UBAP2: variants seen among roughly 807,000 people sequenced by gnomAD.
The protein encoded by UBAP2 is ubiquitin-associated protein 2.
UBAP2 carries 75 observed loss-of-function variants against 139.6 expected under a neutral mutation model. That is an observed-to-expected ratio of 0.54 (90% CI 0.45 to 0.65). The LOEUF is 0.65. UBAP2 is among the 30% of genes least tolerant of loss of function. UBAP2 has a pLI of 0.00. For synonymous variants in UBAP2, 526 were observed against 526.2 expected (o/e 1.00, Z 0.01); for missense variants, 1,368 against 1,369.6 (o/e 1.00, Z 0.02).
intron 8 of UBAP2, chr9:33,968,480 C>G: frequency 1.8e-6 from 1 of 544,892 alleles, no homozygotes; most frequent in Non-Finnish European, 3.7e-6. Flanking sequence ...CAGGTTGGGA[C>G]ATTTGAGCAC....
intron 2 of UBAP2, 86 bp downstream of exon 2, chr9:34,016,964 C>T: frequency 2.3e-6 from 2 of 880,002 alleles, no homozygotes; most frequent in Non-Finnish European, 3.4e-6. Flanking sequence ...ACAAGGCAAA[C>T]AAGAGTTCCA....
At chr9:34,036,345 G>A (rs577449384) in intron 1 of UBAP2, among the ~76,000 whole-genome samples, 2 of 152,136 alleles carry the variant, frequency 1.3e-5, no homozygotes, top group East Asian at 1.9e-4. Flanking sequence ...TCAAACTCCC[G>A]ACCTCAGGTG....
chr9:33,933,003 T>A (rs1232009354), intron 18 of UBAP2, among the ~76,000 whole-genome samples: 1 of 152,202 alleles, frequency 6.6e-6, no homozygotes, highest in Non-Finnish European at 1.5e-5. Flanking sequence ...AAATCCACTT[T>A]TGCTCCTAGC....
chr9:33,974,305 C>A (rs1828132644), intron 6 of UBAP2, among the ~76,000 whole-genome samples: 1 of 151,920 alleles, frequency 6.6e-6, no homozygotes. Context: ...CTCAGGAGTT[C>A]AAGACCAGCT....
Position 33,923,188 on chromosome 9 carries a change from T to G in UBAP2, c.3002A>C (p.Lys1001Thr). The change falls in exon 26 of 29, where the codon AAA (lysine) becomes ACA (threonine). Residue 1001 changes from lysine to threonine, a missense_variant and splice_region_variant. Physicochemically the swap from Lys to Thr is moderately conservative, Grantham distance 78. Coordinates refer to ENST00000379238, the MANE Select transcript of UBAP2 (RefSeq NM_001370062.2). ...TGGAAAGGAGAGGTAAACACTACCTTTGCCAGGCCCAGAACCTGCAGACTT... is the reference window on the plus strand; with the variant it reads ...TGGAAAGGAGAGGTAAACACTACCTGTGCCAGGCCCAGAACCTGCAGACTT... Reference protein sequence around the residue: ...PNKSAGSGPGKGVSVSSSTTG... With the variant: ...PNKSAGSGPGTGVSVSSSTTG... 1 of 1,614,162 alleles carries G rather than the reference T, an allele frequency of 6.2e-7. No homozygotes were observed.
At chr9:33,948,316 T>C (rs1359046866) in intron 13 of UBAP2, 58 bp downstream of exon 13, 1 of 1,449,936 alleles carries the variant, frequency 6.9e-7, no homozygotes, top group African/African-American at 1.4e-5. Flanking sequence ...GTCAACACAC[T>C]CTGCCAAAGC....
intron 5 of UBAP2, among the ~76,000 whole-genome samples, chr9:33,987,065 G>C (rs1302695140): frequency 6.6e-6 from 1 of 151,958 alleles, no homozygotes; most frequent in Non-Finnish European, 1.5e-5. Flanking sequence ...GCTGAGGGGG[G>C]CAGATCTCTT....
intron 1 of UBAP2, among the ~76,000 whole-genome samples, chr9:34,042,561 AG>A (rs1256462358): frequency 2.6e-5 from 4 of 151,284 alleles, no homozygotes; most frequent in African/African-American, 9.7e-5. Context: ...GCCAAGCAGG[AG>A]GATCACTTGA....
At chr9:33,955,960 T>C (rs1476253948) in intron 11 of UBAP2, 119 bp downstream of exon 11, 1 of 707,678 alleles carries the variant, frequency 1.4e-6, no homozygotes, top group African/African-American at 1.8e-5. Context: ...AAATAAAAGT[T>C]AGCCTTGGAT....
chr9:34,021,845 G>A (rs1403359986), intron 1 of UBAP2, among the ~76,000 whole-genome samples: 2 of 152,222 alleles, frequency 1.3e-5, no homozygotes, highest in African/African-American at 4.8e-5. Flanking sequence ...TGTTGGTCAG[G>A]CTGGTTTCGA....
At chr9:33,975,274 A>G (rs1828224533) in intron 6 of UBAP2, among the ~76,000 whole-genome samples, 1 of 151,220 alleles carries the variant, frequency 6.6e-6, no homozygotes, top group African/African-American at 2.4e-5. Flanking sequence ...TATTAAAAAA[A>G]TGCAAAAATT....
At position 33,953,374 on chromosome 9, in the gene UBAP2, G is replaced by A. The variant is rs753036146; in HGVS notation, c.967C>T (p.Leu323Phe). 3.7e-6 allele frequency: 6 copies of A among 1,614,038 alleles called. No individual in the cohort carries two copies. In the African/African-American group the frequency reaches 6.7e-5, roughly 18 times the overall value. Reference sequence around the variant, plus strand: ...TTGTGTTGCGAATTTGTGAAGACAAGGGCTTGGCCAAAGCCCTGCTGTTGG... The same window carrying A: ...TTGTGTTGCGAATTTGTGAAGACAAAGGCTTGGCCAAAGCCCTGCTGTTGG... ...TSQQQGFGQA[L>F]VFTNSQHNNQ... is the part of the protein sequence containing the mutation. The change falls in exon 12 of 29, where the codon CTT becomes TTT. Residue 323 changes from leucine (L) to phenylalanine (F), a missense_variant. Coordinates refer to ENST00000379238, the MANE Select transcript of UBAP2 (RefSeq NM_001370062.2).
chr9:34,023,354 A>T (rs1825128512), intron 1 of UBAP2, among the ~76,000 whole-genome samples: 1 of 152,238 alleles, frequency 6.6e-6, no homozygotes. Flanking sequence ...AATGTACATT[A>T]ATTTTTTGAT....
In UBAP2 at chr9:34,016,370, C is replaced by CGGCGGTGGTGGT. The variant is rs1321174650; in HGVS notation, c.99+679_99+680insACCACCACCGCC. ...GAGGAGGCAGCAGCGGCGGCAGCGGCGGTGGTGGTGGTGGTGGTGGTGGTG... is the reference window on the plus strand; with the variant it reads ...GAGGAGGCAGCAGCGGCGGCAGCGGCGGCGGTGGTGGTGGTGGTGGTGGTGGTGGTGGTGGTG... On this transcript the variant is annotated intron_variant, in intron 2 of 28. Transcript: ENST00000379238. 3.3e-3 allele frequency among the ~76,000 whole-genome samples: 314 copies of CGGCGGTGGTGGT among 93,732 alleles called. 8 individuals are homozygous for CGGCGGTGGTGGT. Among genetic ancestry groups the CGGCGGTGGTGGT allele is most frequent in the African/African-American group, 0.014 (289 of 20,544 alleles). The allele number at this position is 93,732 out of a possible 152,430, so 61.5% of individuals were successfully genotyped here. A position where few individuals can be genotyped will look rare whatever the true frequency, so the allele number is the denominator to read the frequency against.
intron 21 of UBAP2, 104 bp from the exon 22 acceptor site, chr9:33,926,768 C>A (rs576102949): frequency 8.1e-7 from 1 of 1,237,498 alleles, no homozygotes; most frequent in Non-Finnish European, 1.2e-6. Flanking sequence ...CTAACACACC[C>A]GGGAATGGGA....
At chr9:34,024,940 T>C (rs1267044790) in intron 1 of UBAP2, among the ~76,000 whole-genome samples, 2 of 151,374 alleles carry the variant, frequency 1.3e-5, no homozygotes, top group Non-Finnish European at 2.9e-5. Flanking sequence ...ACCGAGATCA[T>C]GCCACTACAC....
At chr9:33,957,504 A>C (rs668071) in intron 10 of UBAP2, among the ~76,000 whole-genome samples, 48,547 of 152,106 alleles carry the variant, frequency 0.32, 8,390 homozygotes, top group African/African-American at 0.45. Context: ...GAAATCATAA[A>C]AGTATCCAAA....
chr9:34,000,732 A>G (rs1050968570), intron 2 of UBAP2, among the ~76,000 whole-genome samples: 3 of 152,228 alleles, frequency 2.0e-5, no homozygotes, highest in Non-Finnish European at 4.4e-5. Flanking sequence ...CTGAAGTGGG[A>G]TAAGTGGGAG....
chr9:34,034,614 C>T (rs1041726640), intron 1 of UBAP2, among the ~76,000 whole-genome samples: 1 of 152,192 alleles, frequency 6.6e-6, no homozygotes, highest in African/African-American at 2.4e-5. Context: ...GTGGCTCACG[C>T]CTGTAATCCC....
Sources: gnomAD v4.1 joint callset for allele counts (sites outside exome capture counted in the v4.1 genomes callset) on GRCh38, gnomAD v4.1.1 for gene constraint, MANE v1.5 for transcripts, NCBI Gene and HGNC (gene_info 2026-07-23, HGNC 2026-07-21) for gene names.